The following SETBP1 variants were observed in gnomAD, a reference collection of about 807,000 sequenced individuals.
SETBP1 encodes SET-binding protein.
In SETBP1, 9 loss-of-function variants were observed where a neutral mutation model predicts 101.0. That is an observed-to-expected ratio of 0.09 (90% confidence interval 0.05 to 0.16). The LOEUF (loss-of-function observed/expected upper bound fraction) is 0.16, where lower values mean the gene tolerates loss of function less well. Among genes scored for constraint, SETBP1 ranks in the 10% least tolerant of loss-of-function variants. The probability of loss-of-function intolerance (pLI) is 1.00; values close to 1 mark genes in which losing one functional copy is unlikely to be tolerated. For synonymous variants in SETBP1, 818 were observed against 788.5 expected (o/e 1.04, Z -0.63); for missense variants, 1,858 against 2,033.8 (o/e 0.91, Z 1.66).
intron 4 of SETBP1, among the ~76,000 whole-genome samples, chr18:45,002,513 A>T (rs2072638775): frequency 6.6e-6 from 1 of 152,112 alleles, no homozygotes; most frequent in Non-Finnish European, 1.5e-5. Context: ...CAGGAATGGA[A>T]CAGTTCTTTC....
intron 2 of SETBP1, among the ~76,000 whole-genome samples, chr18:44,765,620 C>T (rs2144609379): frequency 6.6e-6 from 1 of 152,256 alleles, no homozygotes; most frequent in Non-Finnish European, 1.5e-5. Flanking sequence ...CATTATTAAT[C>T]ATGCCCCAAT....
chr18:44,928,487 TC>T (rs1271565102), intron 3 of SETBP1, among the ~76,000 whole-genome samples: 4 of 152,226 alleles, frequency 2.6e-5, no homozygotes, highest in African/African-American at 7.2e-5. Flanking sequence ...TAGTTCTAGA[TC>T]CTTGAGGAAT....
At chr18:44,732,324 A>T (rs1031488579) in intron 2 of SETBP1, among the ~76,000 whole-genome samples, 8 of 152,184 alleles carry the variant, frequency 5.3e-5, no homozygotes, top group Admixed American at 2.6e-4. Flanking sequence ...CTACGACTTG[A>T]CTGCAGACGC....
At chr18:44,756,020 C>A (rs1472917475) in intron 2 of SETBP1, among the ~76,000 whole-genome samples, 1 of 152,046 alleles carries the variant, frequency 6.6e-6, no homozygotes. Flanking sequence ...TCAAGACCAT[C>A]CTGGCTAACA....
intron 5 of SETBP1, among the ~76,000 whole-genome samples, chr18:45,060,701 CAT>C (rs1197920642): frequency 1.3e-5 from 2 of 152,084 alleles, no homozygotes; most frequent in Non-Finnish European, 1.5e-5. Context: ...TTATTCAGCA[CAT>C]GTTTTTGAAT....
chr18:44,861,339 T>C (rs2069007046), intron 2 of SETBP1, among the ~76,000 whole-genome samples: 1 of 146,396 alleles, frequency 6.8e-6, no homozygotes, highest in African/African-American at 2.5e-5. Flanking sequence ...CTCAAGTTCA[T>C]GCCGTTCTCC....
intron 5 of SETBP1, among the ~76,000 whole-genome samples, chr18:45,060,538 A>T (rs977863405): frequency 1.3e-5 from 2 of 148,778 alleles, no homozygotes; most frequent in South Asian, 2.1e-4. Flanking sequence ...TTTTCTTATT[A>T]AAAAAAAAAT....
chr18:44,997,193 A>G (rs1317479507), intron 4 of SETBP1, among the ~76,000 whole-genome samples: 1 of 152,102 alleles, frequency 6.6e-6, no homozygotes, highest in East Asian at 1.9e-4. Flanking sequence ...ATACTAGCTG[A>G]GCCACCAGCC....
rs1424492759 is a variant in SETBP1, at chr18:44,953,102, G to A, written c.3762G>A (p.Glu1254=). 6.2e-7 allele frequency: 1 copy of A among 1,614,090 alleles called. No homozygotes were observed. Among genetic ancestry groups the A allele is most frequent in the African/African-American group, 1.3e-5 (1 of 74,940 alleles). The change falls in exon 4 of 6, where the codon GAG becomes GAA. Residue 1254 remains glutamate, a synonymous_variant. Transcript: ENST00000649279. The stretch of plus-strand genomic sequence containing the variant: ...AGGAAAAAGGAGACTTGAGCAGTGA[G>A]CCTGTGGACTCATGCACGAAAAGAT... ...QAKEKGDLSS[E]PVDSCTKRYS...
intron 4 of SETBP1, among the ~76,000 whole-genome samples, chr18:45,012,552 T>C (rs2072860602): frequency 6.6e-6 from 1 of 152,132 alleles, no homozygotes; most frequent in Non-Finnish European, 1.5e-5. Flanking sequence ...TTGCTAGCTC[T>C]AGGAATTCAC....
chr18:45,046,062 C>T (rs369350565), intron 5 of SETBP1, among the ~76,000 whole-genome samples: 1 of 151,124 alleles, frequency 6.6e-6, no homozygotes, highest in South Asian at 2.1e-4. Flanking sequence ...CCCTGGCTCC[C>T]TATAAGCTCA....
intron 2 of SETBP1, among the ~76,000 whole-genome samples, chr18:44,710,119 CT>C (rs1203067691): frequency 1.2e-4 from 19 of 152,046 alleles, no homozygotes; most frequent in Non-Finnish European, 2.5e-4. Flanking sequence ...GTTATATTTC[CT>C]TTTTTTCTTT....
chr18:45,064,046 A>G lies in SETBP1; in HGVS notation c.*348A>G. ...TGCCAAGGTGCGCCCTCGACTCCCG[A>G]TTTCATTTGCTGGCCAGGAAAATCG... On this transcript the variant is annotated 3_prime_UTR_variant, in exon 6 of 6. Transcript: ENST00000649279. The G allele has an allele frequency of 4.9e-6, 1 of 205,346 alleles. No homozygotes were observed. Among genetic ancestry groups the G allele is most frequent in the Non-Finnish European group, 9.8e-6 (1 of 101,990 alleles). 12.7% of individuals were successfully genotyped at this position (205,346 alleles called of 1,614,324 possible).
intron 2 of SETBP1, among the ~76,000 whole-genome samples, chr18:44,730,838 T>C (rs1455350637): frequency 1.3e-5 from 2 of 152,230 alleles, no homozygotes; most frequent in East Asian, 3.8e-4. Flanking sequence ...AATTATCTAC[T>C]GCTGTGTAAC....
At chr18:44,714,404 G>A (rs545317962) in intron 2 of SETBP1, among the ~76,000 whole-genome samples, 310 of 152,170 alleles carry the variant, frequency 2.0e-3, no homozygotes, top group South Asian at 9.4e-3. Flanking sequence ...GTTTTGCCAC[G>A]TTGGCCAGGC....
intron 2 of SETBP1, among the ~76,000 whole-genome samples, chr18:44,830,322 TTAAAAAC>T (rs1373717407): frequency 6.6e-6 from 1 of 152,206 alleles, no homozygotes; most frequent in East Asian, 1.9e-4. Flanking sequence ...CTGCTGCAGT[TTAAAAAC>T]TAAATTCTTG....
intron 2 of SETBP1, among the ~76,000 whole-genome samples, chr18:44,835,328 G>A (rs941447809): frequency 6.6e-6 from 1 of 152,086 alleles, no homozygotes; most frequent in Non-Finnish European, 1.5e-5. Context: ...GCCTTCAAAG[G>A]TTTGTGAAGG....
intron 4 of SETBP1, chr18:44,986,798 C>A (rs1388174313): frequency 6.6e-6 from 1 of 152,100 alleles, no homozygotes; most frequent in Non-Finnish European, 1.5e-5. Context: ...CCTATAATAA[C>A]AATGCCTTGC....
chr18:44,928,800 G>C (rs551892751), intron 3 of SETBP1, among the ~76,000 whole-genome samples: 4 of 152,146 alleles, frequency 2.6e-5, no homozygotes, highest in Admixed American at 2.6e-4. Context: ...TTGTAAATTT[G>C]TTTAAGTTCT....
Sources: gnomAD v4.1 joint callset for allele counts (sites outside exome capture counted in the v4.1 genomes callset) on GRCh38, gnomAD v4.1.1 for gene constraint, MANE v1.5 for transcripts, NCBI Gene and HGNC (gene_info 2026-07-23, HGNC 2026-07-21) for gene names.